ALX4: variants seen among roughly 807,000 people sequenced by gnomAD.
The protein encoded by ALX4 is ALX homeobox 4.
Under a neutral mutation model 40.6 loss-of-function variants are expected in ALX4, and 22 were observed. That is an observed-to-expected ratio of 0.54 (90% CI 0.39 to 0.77). ALX4 has a LOEUF of 0.77. Among genes scored for constraint, ALX4 ranks in the 30% least tolerant of loss-of-function variants. The pLI, the probability that ALX4 is intolerant of heterozygous loss-of-function variation, is 0.00. For missense variants in ALX4, 556 were observed against 564.8 expected, an observed-to-expected ratio of 0.98 and a Z score of 0.16; for synonymous variants, 266 against 240.5, an observed-to-expected ratio of 1.11 and a Z score of -0.98.
chr11:44,288,376 C>T (rs1473060347), intron 1 of ALX4, among the ~76,000 whole-genome samples: 5 of 152,098 alleles, frequency 3.3e-5, no homozygotes, highest in Admixed American at 6.6e-5. Flanking sequence ...TTGTAGTCCA[C>T]TTATAACTTT....
chr11:44,282,545 T>C (rs1266266052), intron 1 of ALX4, among the ~76,000 whole-genome samples: 1 of 152,174 alleles, frequency 6.6e-6, no homozygotes, highest in Non-Finnish European at 1.5e-5. Flanking sequence ...AGCAGCTCTA[T>C]TCAGAATCAC....
At chr11:44,291,334 C>T (rs1389938196) in intron 1 of ALX4, among the ~76,000 whole-genome samples, 5 of 152,186 alleles carry the variant, frequency 3.3e-5, no homozygotes, top group African/African-American at 1.2e-4. Flanking sequence ...TATCACTCGC[C>T]CTGCCTGTTG....
intron 1 of ALX4, among the ~76,000 whole-genome samples, chr11:44,298,581 T>C (rs1242925925): frequency 6.6e-6 from 1 of 150,714 alleles, no homozygotes; most frequent in African/African-American, 2.4e-5. Context: ...AGGAGGAGAG[T>C]TGGGGATGAA....
At chr11:44,293,760 T>C (rs1230018017) in intron 1 of ALX4, among the ~76,000 whole-genome samples, 2 of 152,240 alleles carry the variant, frequency 1.3e-5, no homozygotes, top group African/African-American at 4.8e-5. Context: ...TCGCCAACAC[T>C]GGGCTAGTGA....
rs1956195172 is a variant in ALX4, at chr11:44,263,667, A to G, written c.*1187T>C. ...GGCTCTGGGCAGCGATGACACTGAC[A>G]GATATGGCAGGGAGGACAGTCAGTT... is the stretch of plus-strand genomic sequence containing the variant. On this transcript the variant is annotated 3_prime_UTR_variant, in exon 4 of 4. Transcript: ENST00000652299. 6.6e-6 allele frequency: 1 copy of G among 152,364 alleles called. No homozygotes were observed. The highest frequency in any genetic ancestry group is 1.5e-5 in the Non-Finnish European group (1 of 68,118). 9.4% of individuals were successfully genotyped at this position (152,364 alleles called of 1,614,324 possible). A position where few individuals can be genotyped will look rare whatever the true frequency, so the allele number is the denominator to read the frequency against.
chr11:44,291,020 C>A (rs117917359), intron 1 of ALX4, among the ~76,000 whole-genome samples: 1 of 152,202 alleles, frequency 6.6e-6, no homozygotes, highest in Non-Finnish European at 1.5e-5. Flanking sequence ...CACCTGCTTC[C>A]TTCCCCAGGT....
chr11:44,278,011 G>GTT (rs34077997), intron 1 of ALX4, among the ~76,000 whole-genome samples: 13 of 141,874 alleles, frequency 9.2e-5, no homozygotes, highest in Non-Finnish European at 1.2e-4. Context: ...TATGTTTTAG[G>GTT]TTTTTTTTTT....
chr11:44,286,603 G>T (rs552025371), intron 1 of ALX4, among the ~76,000 whole-genome samples: 24 of 152,192 alleles, frequency 1.6e-4, no homozygotes, highest in African/African-American at 5.5e-4. Flanking sequence ...CTAGCTGGGA[G>T]GATTTGCCAC....
intron 1 of ALX4, among the ~76,000 whole-genome samples, chr11:44,290,958 G>A (rs1371661418): frequency 6.6e-6 from 1 of 152,192 alleles, no homozygotes; most frequent in Non-Finnish European, 1.5e-5. Context: ...GAATTTGGCC[G>A]TGGCAGCTGA....
chr11:44,270,394 T>TCTTCTCCTG (rs1186294476), intron 2 of ALX4, among the ~76,000 whole-genome samples: 9 of 152,030 alleles, frequency 5.9e-5, no homozygotes, highest in African/African-American at 2.2e-4. Context: ...CCTCCCTCCT[T>TCTTCTCCTG]CTTCTCCTGT....
intron 1 of ALX4, among the ~76,000 whole-genome samples, chr11:44,280,743 T>C (rs1956305056): frequency 6.6e-6 from 1 of 152,192 alleles, no homozygotes; most frequent in African/African-American, 2.4e-5. Context: ...AGTGTGGCCA[T>C]CATGGTATCC....
chr11:44,285,547 G>A (rs1488914350), intron 1 of ALX4, among the ~76,000 whole-genome samples: 2 of 152,296 alleles, frequency 1.3e-5, no homozygotes, highest in African/African-American at 4.8e-5. Flanking sequence ...TGAGAAACAC[G>A]GCCAAGTTGT....
At chr11:44,274,649 T>C (rs1294229281) in intron 2 of ALX4, among the ~76,000 whole-genome samples, 1 of 152,070 alleles carries the variant, frequency 6.6e-6, no homozygotes, top group Admixed American at 6.6e-5. Flanking sequence ...TTGCACTGAG[T>C]TGGGTTGAGT....
At chr11:44,276,909 A>G (rs1481023545) in intron 1 of ALX4, among the ~76,000 whole-genome samples, 1 of 151,952 alleles carries the variant, frequency 6.6e-6, no homozygotes, top group African/African-American at 2.4e-5. Flanking sequence ...CCTGCCGCTC[A>G]CCTCCTGTGT....
chr11:44,290,293 G>C (rs2119849517), intron 1 of ALX4, among the ~76,000 whole-genome samples: 1 of 152,360 alleles, frequency 6.6e-6, no homozygotes, highest in East Asian at 1.9e-4. Context: ...TCCTGCACGA[G>C]GCAAAATGAA....
chr11:44,299,690 T>C (rs1956424536), intron 1 of ALX4, among the ~76,000 whole-genome samples: 1 of 152,128 alleles, frequency 6.6e-6, no homozygotes, highest in Admixed American at 6.5e-5. Context: ...ACCCTGTCTT[T>C]CATCTCCACA....
chr11:44,271,045 C>T (rs566443764), intron 2 of ALX4, among the ~76,000 whole-genome samples: 3 of 152,356 alleles, frequency 2.0e-5, no homozygotes, highest in South Asian at 2.1e-4. Flanking sequence ...CCCATTGCCC[C>T]GTCCCTGTCC....
At chr11:44,290,972 C>A (rs1281783659) in intron 1 of ALX4, among the ~76,000 whole-genome samples, 1 of 152,204 alleles carries the variant, frequency 6.6e-6, no homozygotes, top group Non-Finnish European at 1.5e-5. Flanking sequence ...CAGCTGACAG[C>A]CAGGGCAACG....
chr11:44,279,688 A>G lies in ALX4; in HGVS notation c.467-4030T>C, dbSNP rs991480356. Among the ~76,000 whole-genome samples, 3 of 152,054 alleles carry G rather than the reference A, an allele frequency of 2.0e-5. No homozygotes were observed. In the East Asian group the frequency reaches 5.8e-4, roughly 29 times the overall value. ...CCTTCCAGCTGACCTCCAAGATCCA[A>G]TGCTCCTCCAGGAAGCCCTCCCAGA... On this transcript the variant is annotated intron_variant, in intron 1 of 3. Coordinates refer to ENST00000652299, the MANE Select transcript of ALX4 (RefSeq NM_021926.4).
Sources: gnomAD v4.1 joint callset for allele counts (sites outside exome capture counted in the v4.1 genomes callset) on GRCh38, gnomAD v4.1.1 for gene constraint, MANE v1.5 for transcripts, NCBI Gene and HGNC (gene_info 2026-07-23, HGNC 2026-07-21) for gene names.